The following ZNF462 variants were observed in gnomAD, a reference collection of about 807,000 sequenced individuals.
ZNF462 encodes zinc finger PBX1-interacting protein.
ZNF462 carries 10 observed loss-of-function variants against 201.9 expected under a neutral mutation model. That is an observed-to-expected ratio of 0.05 (90% CI 0.03 to 0.08). The LOEUF is 0.08. Ranked by LOEUF, ZNF462 falls within the 10% of genes least tolerant of loss-of-function variation. The pLI is 1.00. For synonymous variants in ZNF462, 1,227 were observed against 1,193.3 expected (o/e 1.03, Z -0.58); for missense variants, 2,523 against 3,168.3 (o/e 0.80, Z 4.89).
intron 1 of ZNF462, among the ~76,000 whole-genome samples, chr9:106,889,849 T>C (rs185143889): frequency 2.9e-4 from 44 of 152,332 alleles, no homozygotes; most frequent in Admixed American, 1.6e-3. Context: ...TTATGTACTA[T>C]CTTTATTTGC....
At position 107,005,484 on chromosome 9, in the gene ZNF462, T is replaced by C. The variant is rs1346354823; in HGVS notation, c.7189+2058T>C. ...TAGTGATGTTGAACATTTTTTCATA[T>C]GCCTGCTGGCCATTTGTATGTCTTC... On this transcript the variant is annotated intron_variant, in intron 11 of 12. Transcript: ENST00000277225. The surrounding 1 kb of genome is among the most constrained non-coding windows in gnomAD (Gnocchi z 4.4). Among the ~76,000 whole-genome samples the C allele has an allele frequency of 2.0e-5, 3 of 152,246 alleles. No homozygotes were observed. Among genetic ancestry groups the C allele is most frequent in the East Asian group, 1.9e-4 (1 of 5,196 alleles).
At position 106,927,977 on chromosome 9, in the gene ZNF462, A is replaced by G. The variant is rs927545636; in HGVS notation, c.4065A>G (p.Pro1355=). ...MATKLWAGPD[P]SPPSLTMPAE... is the part of the protein sequence containing the mutation. ...CTAAACTGTGGGCTGGGCCAGACCC[A>G]TCCCCTCCCTCTCTCACAATGCCAG... Residue 1355 remains proline (P), a synonymous_variant, in exon 3 of 13, where the codon CCA becomes CCG. Coordinates refer to ENST00000277225, the MANE Select transcript of ZNF462 (RefSeq NM_021224.6). 2 of 1,614,008 alleles carry G rather than the reference A, an allele frequency of 1.2e-6. No individual in the cohort carries two copies. Among genetic ancestry groups the G allele is most frequent in the African/African-American group, 1.3e-5 (1 of 74,906 alleles).
chr9:106,911,221 A>G (rs981388745), intron 1 of ZNF462, among the ~76,000 whole-genome samples: 1 of 152,184 alleles, frequency 6.6e-6, no homozygotes, highest in African/African-American at 2.4e-5. Context: ...CTGGTTCTGC[A>G]ACTTAGTATT....
rs1321210074 is a variant in ZNF462, at chr9:107,003,822, G to T, written c.7189+396G>T. On this transcript the variant is annotated intron_variant, in intron 11 of 12. Transcript: ENST00000277225. This position sits in a 1 kb window ranked among gnomAD's most constrained non-coding sequence, Gnocchi z 4.4. ...ATGCATATTTAAAATTGCTGCTGGG[G>T]CACACACTGCTGGAACTGTAGGGGA... is the stretch of plus-strand genomic sequence containing the variant. Among the ~76,000 whole-genome samples, 1 of 152,080 alleles carries T rather than the reference G, an allele frequency of 6.6e-6. No homozygotes were observed. Among genetic ancestry groups the T allele is most frequent in the Non-Finnish European group, 1.5e-5 (1 of 68,024 alleles).
At chr9:106,931,293 C>T (rs1012098729) in intron 4 of ZNF462, among the ~76,000 whole-genome samples, 4 of 152,144 alleles carry the variant, frequency 2.6e-5, no homozygotes, top group Non-Finnish European at 5.9e-5. Context: ...TTTATTAGGC[C>T]ACCTGTTTTG....
At position 106,923,282 on chromosome 9, in the gene ZNF462, A is replaced by G; in HGVS notation, c.-30-72A>G. On this transcript the variant is annotated intron_variant, in intron 1 of 12. Coordinates refer to ENST00000277225, the MANE Select transcript of ZNF462 (RefSeq NM_021224.6). The surrounding 1 kb of genome is among the most constrained non-coding windows in gnomAD (Gnocchi z 5.6). ...CTGGAATTTTTTCCCATTAATGGAT[A>G]TATAGCCCCATCAGCTCGAGGTATG... 2 of 1,150,250 alleles carry G rather than the reference A, an allele frequency of 1.7e-6. No individual in the cohort carries two copies. Among genetic ancestry groups the G allele is most frequent in the Non-Finnish European group, 2.6e-6 (2 of 773,614 alleles). 71.3% of individuals were successfully genotyped at this position (1,150,250 alleles called of 1,614,324 possible). A position where few individuals can be genotyped will look rare whatever the true frequency, so the allele number is the denominator to read the frequency against.
chr9:106,977,252 A>C lies in ZNF462; in HGVS notation c.6832+2979A>C, dbSNP rs1343647594. Among the ~76,000 whole-genome samples, 1 of 147,210 alleles carries C rather than the reference A, an allele frequency of 6.8e-6. No individual in the cohort carries two copies. The highest frequency in any genetic ancestry group is 1.5e-5 in the Non-Finnish European group (1 of 67,980). ...TTGGGGCTGATCTCAAAGTAACAAG[A>C]CATGGCTCCTTCTGCACCTGTCCTC... On this transcript the variant is annotated intron_variant, in intron 9 of 12. Transcript: ENST00000277225. This position sits in a 1 kb window ranked among gnomAD's most constrained non-coding sequence, Gnocchi z 4.6.
At position 107,009,869 on chromosome 9, in the gene ZNF462, T is replaced by C. The variant is rs573828741; in HGVS notation, c.7313+201T>C. Among the ~76,000 whole-genome samples, 12 of 152,222 alleles carry C rather than the reference T, an allele frequency of 7.9e-5. No homozygotes were observed. The highest frequency in any genetic ancestry group is 1.3e-4 in the Non-Finnish European group (9 of 68,010). ...AATGGTCACCCAGCCGCAAGTCAAA[T>C]AGGGAAAAAAATCGTCTTTATGAAT... On this transcript the variant is annotated intron_variant, in intron 12 of 12. Coordinates refer to ENST00000277225, the MANE Select transcript of ZNF462 (RefSeq NM_021224.6). The surrounding 1 kb of genome is among the most constrained non-coding windows in gnomAD (Gnocchi z 6.1).
intron 7 of ZNF462, 49 bp downstream of exon 7, chr9:106,939,156 G>T (rs1419879540): frequency 2.1e-6 from 3 of 1,450,226 alleles, no homozygotes; most frequent in African/African-American, 2.9e-5. Context: ...GTTGAGGTGG[G>T]CTGGGATTCA....
At position 106,968,942 on chromosome 9, in the gene ZNF462, A is replaced by G. The variant is rs1162836135; in HGVS notation, c.6428-3063A>G. ...CTTCCTGCTCTTCAGGCCATGCTTC[A>G]TGAACAAACAGGAATTTTATGTAGC... On this transcript the variant is annotated intron_variant, in intron 7 of 12. Transcript: ENST00000277225. The surrounding 1 kb of genome is among the most constrained non-coding windows in gnomAD (Gnocchi z 4.0). Among the ~76,000 whole-genome samples the G allele has an allele frequency of 6.6e-6, 1 of 152,178 alleles. No individual in the cohort carries two copies. The highest frequency in any genetic ancestry group is 1.9e-4 in the East Asian group (1 of 5,192).
chr9:106,985,984 T>G (rs2132295640), intron 10 of ZNF462, among the ~76,000 whole-genome samples: 1 of 152,328 alleles, frequency 6.6e-6, no homozygotes, highest in East Asian at 1.9e-4. Flanking sequence ...TTCCCCAAAC[T>G]TAAGGGTAAA....
intron 7 of ZNF462, among the ~76,000 whole-genome samples, chr9:106,943,308 A>C (rs570432156): frequency 6.6e-6 from 1 of 152,292 alleles, no homozygotes; most frequent in African/African-American, 2.4e-5. Flanking sequence ...AAACTCTAGA[A>C]TAATATTTGA....
At chr9:106,889,980 G>T (rs1412415322) in intron 1 of ZNF462, among the ~76,000 whole-genome samples, 2 of 152,164 alleles carry the variant, frequency 1.3e-5, no homozygotes, top group East Asian at 3.8e-4. Context: ...AGCTACAGTG[G>T]CATTGATACT....
chr9:107,000,553 A>G lies in ZNF462; in HGVS notation c.7057-2741A>G, dbSNP rs537184442. ...TCAAATACCGTCATAACCCAAAACA[A>G]TAAAGAGTTTTTATTTTAAAATCTT... On this transcript the variant is annotated intron_variant, in intron 10 of 12. Coordinates refer to ENST00000277225, the MANE Select transcript of ZNF462 (RefSeq NM_021224.6). 3.9e-5 allele frequency among the ~76,000 whole-genome samples: 6 copies of G among 152,300 alleles called. No homozygotes were observed. In the South Asian group the frequency reaches 1.2e-3, roughly 32 times the overall value.
At chr9:107,000,769 T>C (rs1034367869) in intron 10 of ZNF462, among the ~76,000 whole-genome samples, 1 of 152,058 alleles carries the variant, frequency 6.6e-6, no homozygotes. Context: ...GAAGGGATGA[T>C]GGTGCTGGGA....
In ZNF462 at chr9:107,006,503, C is replaced by T. The variant is rs1353417611; in HGVS notation, c.7190-3042C>T. On this transcript the variant is annotated intron_variant, in intron 11 of 12. Transcript: ENST00000277225. The surrounding 1 kb of genome is among the most constrained non-coding windows in gnomAD (Gnocchi z 4.3). The stretch of plus-strand genomic sequence containing the variant: ...TAGTGTAATCTTCACTGAAGGGGAC[C>T]TGACCCTGAAATCTGTGGATTCAGT... 6.6e-6 allele frequency among the ~76,000 whole-genome samples: 1 copy of T among 152,162 alleles called. No homozygotes were observed. Among genetic ancestry groups the T allele is most frequent in the Admixed American group, 6.5e-5 (1 of 15,274 alleles).
Position 106,925,543 on chromosome 9 carries a change from A to G in ZNF462, c.1631A>G (p.Gln544Arg). 6.2e-7 allele frequency: 1 copy of G among 1,613,134 alleles called. No individual in the cohort carries two copies. Among genetic ancestry groups the G allele is most frequent in the Non-Finnish European group, 8.5e-7 (1 of 1,179,636 alleles). The change falls in exon 3 of 13, where the codon CAG (glutamine) becomes CGG (arginine). Residue 544 changes from glutamine to arginine, a missense_variant. Transcript: ENST00000277225. The surrounding 1 kb of genome is among the most constrained non-coding windows in gnomAD (Gnocchi z 7.9). ...LDPLQQQQPP[Q>R]PPPPPPPPPP... ...CCCTTGCAGCAGCAACAGCCACCGC[A>G]GCCACCACCACCGCCGCCGCCACCA...
chr9:106,990,621 T>A (rs554342781), intron 10 of ZNF462, among the ~76,000 whole-genome samples: 27 of 152,114 alleles, frequency 1.8e-4, no homozygotes, highest in Non-Finnish European at 3.4e-4. Context: ...TTCTTTAATT[T>A]TTTTCTCTTC....
At chr9:106,860,957 G>A (rs182185675), upstream of ZNF462, among the ~76,000 whole-genome samples, 27 of 151,996 alleles carry the variant, frequency 1.8e-4, 2 homozygotes, top group East Asian at 4.7e-3. This position sits in a 1 kb window ranked among gnomAD's most constrained non-coding sequence, Gnocchi z 7.1. Context: ...TTCTCTTCTC[G>A]GTGACTCCCG....
Sources: allele counts gnomAD v4.1 joint callset (sites outside exome capture counted in the v4.1 genomes callset), GRCh38; gene constraint gnomAD v4.1.1; non-coding constraint Gnocchi (gnomAD v3.1); transcripts MANE v1.5; gene names NCBI Gene and HGNC (gene_info 2026-07-23, HGNC 2026-07-21).